The following NAV2 variants were observed in gnomAD, a reference collection of about 807,000 sequenced individuals.
The protein encoded by NAV2 is neuron navigator 2, also known as helicase, APC down-regulated 1.
A neutral mutation model predicts 223.2 loss-of-function variants in NAV2; 54 were observed. The observed-to-expected ratio is 0.24, with a 90% CI of 0.19 to 0.30. NAV2 has a LOEUF of 0.30. Ranked by LOEUF, NAV2 falls within the 10% of genes least tolerant of loss-of-function variation. The pLI is 1.00. For synonymous variants in NAV2, 1,279 were observed against 1,239.3 expected (o/e 1.03, Z -0.67); for missense variants, 2,806 against 3,147.5 (o/e 0.89, Z 2.60).
At chr11:19,435,704 G>A (rs116083191) in intron 1 of NAV2, among the ~76,000 whole-genome samples, 4,287 of 152,196 alleles carry the variant, frequency 0.028, 202 homozygotes, top group African/African-American at 0.097. Flanking sequence ...GTGTACAAGC[G>A]TTCTCTTTCT....
chr11:19,764,246 A>G (rs1438436399), intron 1 of NAV2, among the ~76,000 whole-genome samples: 2 of 152,236 alleles, frequency 1.3e-5, no homozygotes, highest in Admixed American at 6.5e-5. Context: ...ATTTTAACTG[A>G]TAAGCATGCA....
rs192834960 is a variant in NAV2, at chr11:19,664,185, G to A, written c.76-168299G>A. On this transcript the variant is annotated intron_variant, in intron 1 of 37. Coordinates refer to the NAV2 transcript ENST00000360655. ...AAGAACACCAGAACTTGATAGATAG[G>A]CCTTAGACTGAAATTGATTTCTTTC... Among the ~76,000 whole-genome samples, 4 of 152,316 alleles carry A rather than the reference G, an allele frequency of 2.6e-5. No individual in the cohort carries two copies. The East Asian group carries it at 7.7e-4, about 29-fold the overall frequency.
intron 1 of NAV2, among the ~76,000 whole-genome samples, chr11:19,824,451 G>A (rs924948205): frequency 6.6e-6 from 1 of 152,196 alleles, no homozygotes; most frequent in Admixed American, 6.5e-5. Flanking sequence ...GGGACATTGG[G>A]CAGAACCGGA....
chr11:19,757,144 G>T (rs1279897634), intron 1 of NAV2, among the ~76,000 whole-genome samples: 1 of 152,126 alleles, frequency 6.6e-6, no homozygotes, highest in Non-Finnish European at 1.5e-5. Context: ...TCTAATGTGG[G>T]GCTATTTTAA....
At chr11:19,451,524 A>T (rs1360841150) in intron 1 of NAV2, among the ~76,000 whole-genome samples, 2 of 152,198 alleles carry the variant, frequency 1.3e-5, no homozygotes, top group Non-Finnish European at 2.9e-5. Context: ...AACAAACAGC[A>T]GTGGGGCTTA....
intron 1 of NAV2, among the ~76,000 whole-genome samples, chr11:19,534,453 G>A (rs758321239): frequency 9.9e-5 from 15 of 152,212 alleles, no homozygotes; most frequent in Non-Finnish European, 1.6e-4. Context: ...CACAGTCTCT[G>A]CTTCCTACGA....
chr11:20,071,106 G>T (rs1591978360), intron 22 of NAV2, among the ~76,000 whole-genome samples: 7 of 128,370 alleles, frequency 5.5e-5, no homozygotes, highest in East Asian at 2.5e-4. Context: ...CCCTCCCCTA[G>T]CCCCCCACCC....
chr11:19,789,418 C>T (rs1006897439), intron 1 of NAV2, among the ~76,000 whole-genome samples: 5 of 152,214 alleles, frequency 3.3e-5, no homozygotes, highest in Non-Finnish European at 7.3e-5. Flanking sequence ...TTCTCCTCTT[C>T]CACTCCCAGT....
At chr11:19,352,292 G>C (rs1340264230) in intron 1 of NAV2, among the ~76,000 whole-genome samples, 1 of 152,218 alleles carries the variant, frequency 6.6e-6, no homozygotes, top group Admixed American at 6.5e-5. Flanking sequence ...GTTGTGAACA[G>C]AACCCAGGAT....
At chr11:19,574,480 C>T (rs1483893269) in intron 1 of NAV2, among the ~76,000 whole-genome samples, 1 of 152,130 alleles carries the variant, frequency 6.6e-6, no homozygotes, top group Non-Finnish European at 1.5e-5. Flanking sequence ...CACTCCTGGC[C>T]CTGGCCTATA....
At chr11:19,805,882 G>A (rs1035416996) in intron 1 of NAV2, among the ~76,000 whole-genome samples, 4 of 152,186 alleles carry the variant, frequency 2.6e-5, no homozygotes, top group African/African-American at 9.7e-5. Flanking sequence ...GAGTCACCAG[G>A]TCAGTTCATA....
chr11:19,686,279 G>C (rs1364831065), intron 1 of NAV2, among the ~76,000 whole-genome samples: 14 of 152,114 alleles, frequency 9.2e-5, no homozygotes. Context: ...TGAGTAACCT[G>C]TCTCTCAGAA....
In NAV2 at chr11:19,713,590, C is replaced by G. The variant is rs2050019923; in HGVS notation, c.-106C>G. 2 of 1,419,426 alleles carry G rather than the reference C, an allele frequency of 1.4e-6. No individual in the cohort carries two copies. 87.9% of individuals were successfully genotyped at this position (1,419,426 alleles called of 1,614,324 possible). Reference sequence around the variant, plus strand: ...TTTTAGCCGCTGGTGGTGGGCGCCTCGTGGGCTAAGGCCCGGCGCCTGCTC... The same window carrying G: ...TTTTAGCCGCTGGTGGTGGGCGCCTGGTGGGCTAAGGCCCGGCGCCTGCTC... On this transcript the variant is annotated 5_prime_UTR_variant, in exon 1 of 38. Coordinates refer to ENST00000349880, the MANE Select transcript of NAV2 (RefSeq NM_145117.5). This position sits in a 1 kb window ranked among gnomAD's most constrained non-coding sequence, Gnocchi z 7.2.
intron 1 of NAV2, among the ~76,000 whole-genome samples, chr11:19,757,631 T>C (rs991138861): frequency 1.3e-5 from 2 of 152,126 alleles, no homozygotes; most frequent in African/African-American, 4.8e-5. Flanking sequence ...AAGTGCTTCA[T>C]AGGCTGCATG....
chr11:19,880,478 T>G (rs1276642890), intron 5 of NAV2, among the ~76,000 whole-genome samples: 1 of 152,246 alleles, frequency 6.6e-6, no homozygotes, highest in Non-Finnish European at 1.5e-5. Flanking sequence ...TGTTCACTGT[T>G]ATAAATGAGA....
intron 1 of NAV2, among the ~76,000 whole-genome samples, chr11:19,756,437 G>A (rs1014136146): frequency 1.3e-5 from 2 of 152,212 alleles, no homozygotes; most frequent in African/African-American, 2.4e-5. Flanking sequence ...AGTCTAGAAG[G>A]TATTACCAAG....
At chr11:20,084,481 T>C (rs191499791) in intron 26 of NAV2, among the ~76,000 whole-genome samples, 113 of 152,302 alleles carry the variant, frequency 7.4e-4, no homozygotes, top group Non-Finnish European at 1.2e-3. Context: ...AGATGATCAA[T>C]TCCTCTTTTC....
intron 1 of NAV2, among the ~76,000 whole-genome samples, chr11:19,552,945 G>A (rs1438863792): frequency 6.6e-6 from 1 of 152,144 alleles, no homozygotes; most frequent in Admixed American, 6.5e-5. Context: ...TCCTTCTCAA[G>A]GCAGGGAAAG....
rs536298078 is a variant in NAV2, at chr11:20,101,397, A to G, written c.6417+225A>G. Among the ~76,000 whole-genome samples the G allele has an allele frequency of 1.4e-4, 22 of 152,320 alleles. 1 individual carries two copies. The highest frequency in any genetic ancestry group is 2.9e-5 in the Non-Finnish European group (2 of 68,032). On this transcript the variant is annotated intron_variant, in intron 32 of 37. Transcript: ENST00000349880. ...TCAGTGCTGGTAGTTCTTTAATGTT[A>G]TCCACGATACATCTGTTGCAATTTA...
Sources: gnomAD v4.1 joint callset for allele counts (sites outside exome capture counted in the v4.1 genomes callset) on GRCh38, gnomAD v4.1.1 for gene constraint, Gnocchi (gnomAD v3.1) non-coding constraint, MANE v1.5 for transcripts, NCBI Gene and HGNC (gene_info 2026-07-23, HGNC 2026-07-21) for gene names.